CFAP92: variants seen among roughly 807,000 people sequenced by gnomAD.
CFAP92 encodes uncharacterized protein CFAP92.
A neutral mutation model predicts 106.3 loss-of-function variants in CFAP92; 86 were observed. That is an observed-to-expected ratio of 0.81 (90% confidence interval 0.68 to 0.97). The LOEUF (loss-of-function observed/expected upper bound fraction) is 0.97, where lower values mean the gene tolerates loss of function less well. CFAP92 is among the 50% of genes least tolerant of loss of function. The pLI, the probability that CFAP92 is intolerant of heterozygous loss-of-function variation, is 0.00. For synonymous variants in CFAP92, 477 were observed against 506.4 expected (o/e 0.94, Z 0.78); for missense variants, 1,204 against 1,283.8 (o/e 0.94, Z 0.95).
At chr3:128,914,918 T>C in intron 15 of CFAP92, 1 of 582,660 alleles carries the variant, frequency 1.7e-6, no homozygotes, top group South Asian at 2.3e-5. Context: ...ATGTCACACT[T>C]GGGGCTAGAA....
Position 128,932,750 on chromosome 3 carries a change from G to C in CFAP92, c.2701C>G (p.Arg901Gly), listed in dbSNP as rs756491747. Residue 901 changes from arginine to glycine, a missense_variant, in exon 12 of 16, where the codon CGG (arginine) becomes GGG (glycine). Physicochemically the swap from Arg to Gly is moderately radical, Grantham distance 125. Coordinates refer to ENST00000645291, the MANE Select transcript of CFAP92 (RefSeq NM_001394090.1). The stretch of plus-strand genomic sequence containing the variant: ...TTGTTCTTCATAAGCATGGCACTCC[G>C]CCACTGCAGGTACTTCTCCTGGTGG... ...HAHQEKYLQW[R>G]SAMLMKNKDK... 2 of 1,535,680 alleles carry C rather than the reference G, an allele frequency of 1.3e-6. No individual in the cohort carries two copies. The highest frequency in any genetic ancestry group is 1.7e-6 in the Non-Finnish European group (2 of 1,146,830).
At position 128,945,199 on chromosome 3, in the gene CFAP92, C is replaced by T; in HGVS notation, c.2130G>A (p.Arg710=). ...CATCCAGGTGCTGCTGCTCCTGGACCCGCACACGCACCTTGAAGGCTGACA... is the reference window on the plus strand; with the variant it reads ...CATCCAGGTGCTGCTGCTCCTGGACTCGCACACGCACCTTGAAGGCTGACA... The part of the protein sequence containing the change: ...QILSAFKVRV[R]VQEQQHLDVL... Residue 710 remains arginine (R), a synonymous_variant, in exon 10 of 16, where the codon CGG becomes CGA. Coordinates refer to ENST00000645291, the MANE Select transcript of CFAP92 (RefSeq NM_001394090.1). 1 of 1,536,178 alleles carries T rather than the reference C, an allele frequency of 6.5e-7. No individual in the cohort carries two copies.
intron 5 of CFAP92, among the ~76,000 whole-genome samples, chr3:128,977,389 A>G (rs1943225438): frequency 6.6e-6 from 1 of 152,152 alleles, no homozygotes. Flanking sequence ...TAAGTTCCCA[A>G]CCATAGGGAA....
intron 8 of CFAP92, chr3:128,967,046 G>C (rs751324894): frequency 6.6e-6 from 1 of 152,190 alleles, no homozygotes; most frequent in Admixed American, 6.5e-5. Flanking sequence ...AGTCTCCAAG[G>C]CTCAATTTCA....
intron 12 of CFAP92, among the ~76,000 whole-genome samples, chr3:128,919,228 G>A (rs1250264380): frequency 6.6e-6 from 1 of 151,918 alleles, no homozygotes; most frequent in Non-Finnish European, 1.5e-5. Context: ...ACAGGCGTGA[G>A]CCACTGCACC....
At position 128,978,073 on chromosome 3, in the gene CFAP92, T is replaced by G; in HGVS notation, c.780A>C (p.Lys260Asn). 2.5e-6 allele frequency: 4 copies of G among 1,613,962 alleles called. No homozygotes were observed. The highest frequency in any genetic ancestry group is 3.4e-6 in the Non-Finnish European group (4 of 1,179,884). ...GCAAAGACTTTGGGTGTTTTTCTGTTTTTTCTTGTTTTCCTGGCGGATGTT... is the reference window on the plus strand; with the variant it reads ...GCAAAGACTTTGGGTGTTTTTCTGTGTTTTCTTGTTTTCCTGGCGGATGTT... Reference protein sequence around the residue: ...NQEHPPGKQEKTEKHPKSLQG... With the variant: ...NQEHPPGKQENTEKHPKSLQG... The change falls in exon 5 of 16, where the codon AAA becomes AAC. Residue 260 changes from lysine (K) to asparagine (N), a missense_variant. Lys to Asn is a moderately conservative substitution (Grantham distance 94). Coordinates refer to ENST00000645291, the MANE Select transcript of CFAP92 (RefSeq NM_001394090.1).
At chr3:128,943,687 C>T (rs1576462021) in intron 10 of CFAP92, among the ~76,000 whole-genome samples, 2 of 152,076 alleles carry the variant, frequency 1.3e-5, no homozygotes, top group East Asian at 3.9e-4. Flanking sequence ...AGGCACGTGC[C>T]ACCATGCCTG....
At chr3:128,926,042 C>T (rs1442192186) in intron 12 of CFAP92, among the ~76,000 whole-genome samples, 1 of 152,190 alleles carries the variant, frequency 6.6e-6, no homozygotes, top group Non-Finnish European at 1.5e-5. Flanking sequence ...AAAAGATACA[C>T]ATCTAACAAC....
chr3:129,026,724 G>A, the CFAP92 span, among the ~76,000 whole-genome samples: 1 of 152,114 alleles, frequency 6.6e-6, no homozygotes, highest in East Asian at 1.9e-4. Context: ...GTAGTCTGGA[G>A]CCTGTGGAGT....
chr3:128,914,868 C>G, intron 15 of CFAP92: 1 of 482,854 alleles, frequency 2.1e-6, no homozygotes, highest in Non-Finnish European at 3.7e-6. Context: ...GCCAAGAAAC[C>G]AGACCCAGGG....
rs529712866 is a variant in CFAP92, at chr3:129,002,139, G to A, written n.117+435C>T. 62 of 1,474,814 alleles carry A rather than the reference G, an allele frequency of 4.2e-5. No individual in the cohort carries two copies. Among genetic ancestry groups the A allele is most frequent in the Admixed American group, 1.5e-4 (6 of 39,462 alleles). The allele number at this position is 1,474,814 out of a possible 1,614,324, so 91.4% of individuals were successfully genotyped here. On this transcript the variant is annotated intron_variant and non_coding_transcript_variant, in intron 1 of 4. Coordinates refer to the CFAP92 transcript ENST00000510149. ...CCGCGGCGCTCTCAGCGAGCACATC[G>A]AGACGCAGATCCGCCTGCGCCGTCC...
chr3:128,916,949 T>C (rs948327470), intron 12 of CFAP92, among the ~76,000 whole-genome samples: 4 of 152,182 alleles, frequency 2.6e-5, no homozygotes, highest in Admixed American at 2.6e-4. Flanking sequence ...TCTTTTACCT[T>C]TAAAAAATTT....
intron 9 of CFAP92, among the ~76,000 whole-genome samples, chr3:128,949,304 A>C (rs1047662623): frequency 9.9e-5 from 15 of 152,266 alleles, no homozygotes; most frequent in Non-Finnish European, 1.5e-4. Context: ...AACTAGAAGC[A>C]ACCTAAATGT....
intron 9 of CFAP92, among the ~76,000 whole-genome samples, chr3:128,956,994 A>AAAAAAAAAAAAAG (rs377096690): frequency 7.7e-6 from 1 of 129,060 alleles, no homozygotes. Flanking sequence ...AAAAAAAAAA[A>AAAAAAAAAAAAAG]AAAGAAATCA....
chr3:128,992,586 T>A (rs1944283695), intron 2 of CFAP92, among the ~76,000 whole-genome samples: 1 of 152,056 alleles, frequency 6.6e-6, no homozygotes, highest in East Asian at 1.9e-4. Flanking sequence ...ATTATTTTTT[T>A]TTTTTTTGAC....
the CFAP92 span, among the ~76,000 whole-genome samples, chr3:129,014,386 C>T: frequency 2.6e-5 from 4 of 152,170 alleles, no homozygotes; most frequent in Non-Finnish European, 5.9e-5. This position sits in a 1 kb window ranked among gnomAD's most constrained non-coding sequence, Gnocchi z 4.3. Flanking sequence ...AGTGCGGTGT[C>T]GCAGCGTTGG....
intron 10 of CFAP92, among the ~76,000 whole-genome samples, chr3:128,941,819 A>G (rs1218925482): frequency 6.6e-6 from 1 of 152,182 alleles, no homozygotes; most frequent in Non-Finnish European, 1.5e-5. Context: ...ATTATTGTTC[A>G]GTTCAAAAAT....
At chr3:128,944,652 C>A (rs1940025865) in intron 10 of CFAP92, among the ~76,000 whole-genome samples, 1 of 152,224 alleles carries the variant, frequency 6.6e-6, no homozygotes, top group African/African-American at 2.4e-5. Flanking sequence ...TTATTCACTT[C>A]TAGTGTTCCC....
intron 15 of CFAP92, chr3:128,910,877 C>G: frequency 6.4e-7 from 1 of 1,569,366 alleles, no homozygotes; most frequent in Non-Finnish European, 8.8e-7. Flanking sequence ...TGATGGTGAG[C>G]TGTTTCTGGA....
Sources: gnomAD v4.1 joint callset for allele counts (sites outside exome capture counted in the v4.1 genomes callset) on GRCh38, gnomAD v4.1.1 for gene constraint, Gnocchi (gnomAD v3.1) non-coding constraint, MANE v1.5 for transcripts, NCBI Gene and HGNC (gene_info 2026-07-23, HGNC 2026-07-21) for gene names.